Variants in SLC9D1 observed in about 807,000 individuals in gnomAD.
SLC9D1 encodes the protein putative LAG1-interacting protein.
the SLC9D1 span, chr13:113,534,269 TA>T: frequency 6.6e-7 from 1 of 1,523,338 alleles, no homozygotes; most frequent in Non-Finnish European, 9.1e-7. Context: ...GTTATTTATG[TA>T]ATCTGATACA....
the SLC9D1 span, chr13:113,510,558 T>G: frequency 7.9e-6 from 6 of 760,716 alleles, no homozygotes; most frequent in Middle Eastern, 4.0e-4. Context: ...CTAACCATGG[T>G]GGATACCAGG....
At chr13:113,502,871 T>C in the SLC9D1 span, among the ~76,000 whole-genome samples, 1 of 151,828 alleles carries the variant, frequency 6.6e-6, no homozygotes, top group South Asian at 2.1e-4. Context: ...GCAGGAGGGG[T>C]CTGAGGAGCT....
At chr13:113,498,532 C>T in the SLC9D1 span, 21 of 1,564,282 alleles carry the variant, frequency 1.3e-5, no homozygotes, top group African/African-American at 2.5e-4. Context: ...GTAAGCGTTC[C>T]AGAACAGCTG....
the SLC9D1 span, among the ~76,000 whole-genome samples, chr13:113,510,936 G>A: frequency 2.0e-5 from 3 of 151,854 alleles, no homozygotes; most frequent in South Asian, 2.1e-4. Context: ...AGTGGAAGCC[G>A]ACTTGCTCGG....
At chr13:113,549,598 G>C in the SLC9D1 span, 1 of 1,608,364 alleles carries the variant, frequency 6.2e-7, no homozygotes, top group Non-Finnish European at 8.5e-7. Context: ...CGCTTAGATG[G>C]CCAGCAGCTG....
chr13:113,503,355 G>GAC, the SLC9D1 span: 26,017 of 416,394 alleles, frequency 0.062, 2,890 homozygotes, highest in African/African-American at 0.31. Context: ...TTGTGTGTGT[G>GAC]TGTGTGTGTG....
chr13:113,531,086 G>A, the SLC9D1 span, among the ~76,000 whole-genome samples: 1 of 152,222 alleles, frequency 6.6e-6, no homozygotes, highest in Non-Finnish European at 1.5e-5. Flanking sequence ...GGCTCCCTTA[G>A]TGAGCACCCA....
the SLC9D1 span, among the ~76,000 whole-genome samples, chr13:113,526,780 A>G: frequency 1.3e-5 from 2 of 152,232 alleles, no homozygotes; most frequent in African/African-American, 2.4e-5. Context: ...AGTAGTGTCC[A>G]AGGCTCTCAC....
chr13:113,547,347 G>A, the SLC9D1 span: 1 of 1,614,134 alleles, frequency 6.2e-7, no homozygotes, highest in Non-Finnish European at 8.5e-7. Flanking sequence ...CACGGTGCTG[G>A]TGTTCCTCAC....
chr13:113,504,135 CA>C, the SLC9D1 span: 1 of 152,372 alleles, frequency 6.6e-6, no homozygotes, highest in Admixed American at 6.5e-5. Context: ...ATCGACTTAG[CA>C]AAAGTTTTTA....
At chr13:113,498,091 AT>A in the SLC9D1 span, among the ~76,000 whole-genome samples, 2 of 152,226 alleles carry the variant, frequency 1.3e-5, no homozygotes, top group African/African-American at 4.8e-5. Flanking sequence ...ACCTACAGAT[AT>A]TACATTTACT....
chr13:113,500,645 G>C, the SLC9D1 span, among the ~76,000 whole-genome samples: 3 of 152,190 alleles, frequency 2.0e-5, no homozygotes, highest in Non-Finnish European at 2.9e-5. Flanking sequence ...TTGAAGCTGA[G>C]AGCATCATGG....
At chr13:113,501,664 C>A in the SLC9D1 span, 1 of 1,028,972 alleles carries the variant, frequency 9.7e-7, no homozygotes, top group Non-Finnish European at 1.4e-6. Context: ...AATCGGGGAA[C>A]TACGTCCTGT....
the SLC9D1 span, among the ~76,000 whole-genome samples, chr13:113,523,378 G>A: frequency 1.3e-5 from 2 of 152,272 alleles, no homozygotes; most frequent in Admixed American, 1.3e-4. Context: ...TTGTTGAGTT[G>A]TGGTAGCTTA....
chr13:113,502,550 G>A, the SLC9D1 span, among the ~76,000 whole-genome samples: 4 of 152,298 alleles, frequency 2.6e-5, no homozygotes, highest in Non-Finnish European at 4.4e-5. Flanking sequence ...ACAACACATG[G>A]AAAAGCTGAT....
At chr13:113,498,431 C>A in the SLC9D1 span, 1 of 1,584,958 alleles carries the variant, frequency 6.3e-7, no homozygotes, top group Non-Finnish European at 8.5e-7. Context: ...AAAGTTTATC[C>A]ATGCTTGACG....
the SLC9D1 span, among the ~76,000 whole-genome samples, chr13:113,522,556 G>T: frequency 1.3e-4 from 20 of 152,198 alleles, no homozygotes; most frequent in East Asian, 3.1e-3. Context: ...TAGCCAGGAT[G>T]GTCTCGATCT....
At chr13:113,546,598 C>T in the SLC9D1 span, among the ~76,000 whole-genome samples, 129 of 152,266 alleles carry the variant, frequency 8.5e-4, 2 homozygotes, top group East Asian at 0.022. This position sits in a 1 kb window ranked among gnomAD's most constrained non-coding sequence, Gnocchi z 7.1. Context: ...GGGCCTGCTC[C>T]GTGCACCTAA....
At chr13:113,516,959 A>G in the SLC9D1 span, among the ~76,000 whole-genome samples, 1 of 152,220 alleles carries the variant, frequency 6.6e-6, no homozygotes, top group Non-Finnish European at 1.5e-5. Context: ...TCCAGCCACA[A>G]GCAGCGTTGG....
Sources: allele counts gnomAD v4.1 joint callset (sites outside exome capture counted in the v4.1 genomes callset), GRCh38; gene constraint gnomAD v4.1.1; non-coding constraint Gnocchi (gnomAD v3.1); transcripts MANE v1.5; gene names NCBI Gene and HGNC (gene_info 2026-07-23, HGNC 2026-07-21).